ZNF536: variants seen among roughly 807,000 people sequenced by gnomAD.
The protein encoded by ZNF536 is zinc finger protein 536.
In ZNF536, 13 loss-of-function variants were observed where a neutral mutation model predicts 84.5. That is an observed-to-expected ratio of 0.15 (90% confidence interval 0.10 to 0.24). ZNF536 has a LOEUF of 0.24. Among genes scored for constraint, ZNF536 ranks in the 10% least tolerant of loss-of-function variants. The pLI is 1.00. For missense variants in ZNF536, 1,536 were observed against 1,747.5 expected, an observed-to-expected ratio of 0.88 and a Z score of 2.16; for synonymous variants, 811 against 742.5, an observed-to-expected ratio of 1.09 and a Z score of -1.50.
chr19:30,338,621 T>C (rs1221260367), intron 2 of ZNF536, among the ~76,000 whole-genome samples: 3 of 152,110 alleles, frequency 2.0e-5, no homozygotes, highest in Non-Finnish European at 2.9e-5. Context: ...TCCTGGTTAC[T>C]TAACCTGGGA....
At position 30,701,189 on chromosome 19, in the gene ZNF536, TCTCACA is replaced by T. The variant is rs772428756; in HGVS notation, c.170-9566_170-9561del. ...ATCTGGTGCATGTGCTATATCTCAC[TCTCACA>T]CACACACACACACACACACACACGC... is the stretch of plus-strand genomic sequence containing the variant. On this transcript the variant is annotated intron_variant, in intron 1 of 1. Transcript: ENST00000592773. Among the ~76,000 whole-genome samples, 21 of 57,904 alleles carry T rather than the reference TCTCACA, an allele frequency of 3.6e-4. No individual in the cohort carries two copies. The East Asian group carries it at 3.7e-3, about 10-fold the overall frequency. The allele number at this position is 57,904 out of a possible 152,430, so 38.0% of individuals were successfully genotyped here. A position where few individuals can be genotyped will look rare whatever the true frequency, so the allele number is the denominator to read the frequency against.
At chr19:30,659,952 GGTGTGT>G (rs5827727) in intron 1 of ZNF536, among the ~76,000 whole-genome samples, 15 of 101,292 alleles carry the variant, frequency 1.5e-4, no homozygotes, top group East Asian at 6.1e-4. Flanking sequence ...TTGACACAAG[GGTGTGT>G]GTGTGTGTGT....
chr19:30,495,082 C>CCCAG (rs2054665569), intron 2 of ZNF536, among the ~76,000 whole-genome samples: 1 of 151,514 alleles, frequency 6.6e-6, no homozygotes, highest in Non-Finnish European at 1.5e-5. Context: ...AGTCAGCAGA[C>CCCAG]CCAGGTCTTG....
chr19:30,561,008 C>T (rs71350817), downstream of ZNF536, among the ~76,000 whole-genome samples: 476 of 152,312 alleles, frequency 3.1e-3, no homozygotes, highest in Non-Finnish European at 4.9e-3. Flanking sequence ...GCTGGCTTCA[C>T]GAGGGGTTTG....
rs949271397 is a variant in ZNF536, at chr19:30,259,372, G to A, written c.-189-24700G>A. Among the ~76,000 whole-genome samples the A allele has an allele frequency of 8.5e-5, 13 of 152,222 alleles. 1 individual carries two copies. Among genetic ancestry groups the A allele is most frequent in the African/African-American group, 2.9e-4 (12 of 41,450 alleles). On this transcript the variant is annotated intron_variant, in intron 1 of 5. Transcript: ENST00000585628. ...TCCCTTACAGAAAAAGAATGCAGCA[G>A]CGGGTCCTGAGATGAACTAGGACTG...
chr19:30,403,319 C>T (rs1419993612), intron 1 of ZNF536, among the ~76,000 whole-genome samples: 11 of 152,138 alleles, frequency 7.2e-5, no homozygotes, highest in South Asian at 4.1e-4. Flanking sequence ...AAATGCACAA[C>T]GCAGACAAGG....
At chr19:30,528,167 C>T (rs1279175227) in intron 2 of ZNF536, among the ~76,000 whole-genome samples, 7 of 152,132 alleles carry the variant, frequency 4.6e-5, no homozygotes, top group Non-Finnish European at 8.8e-5. Flanking sequence ...TCACCTTACC[C>T]ATGCGTGCTT....
At chr19:30,458,740 C>G (rs2052990907) in intron 2 of ZNF536, among the ~76,000 whole-genome samples, 1 of 152,176 alleles carries the variant, frequency 6.6e-6, no homozygotes, top group African/African-American at 2.4e-5. Context: ...GCGTGAGCCA[C>G]CACGCCTGGC....
At chr19:30,656,451 A>G (rs1332684509) in intron 1 of ZNF536, among the ~76,000 whole-genome samples, 1 of 152,198 alleles carries the variant, frequency 6.6e-6, no homozygotes, top group Non-Finnish European at 1.5e-5. Flanking sequence ...ACGTTGCACC[A>G]TCTCTACCCT....
rs563331672 is a variant in ZNF536, at chr19:30,681,227, C to T, written c.170-29530C>T. 5.9e-5 allele frequency among the ~76,000 whole-genome samples: 9 copies of T among 152,286 alleles called. 1 individual carries two copies. The highest frequency in any genetic ancestry group is 1.9e-4 in the African/African-American group (8 of 41,566). On this transcript the variant is annotated intron_variant, in intron 1 of 1. Coordinates refer to the ZNF536 transcript ENST00000592773. The stretch of plus-strand genomic sequence containing the variant: ...CGTGGAGTGGGCAGGAGGGTCACTG[C>T]TTAGTTTGCCCTGCAGCACAGGAAC...
chr19:30,410,513 C>G (rs950818396), intron 1 of ZNF536, among the ~76,000 whole-genome samples: 4 of 126,000 alleles, frequency 3.2e-5, no homozygotes, highest in Non-Finnish European at 6.2e-5. Flanking sequence ...CTCGCTCTGT[C>G]GCCCAGGCTG....
intron 1 of ZNF536, among the ~76,000 whole-genome samples, chr19:30,710,285 G>A (rs1361943256): frequency 2.0e-5 from 3 of 152,164 alleles, no homozygotes; most frequent in African/African-American, 7.2e-5. Flanking sequence ...GCTTGCACCT[G>A]TAATCTCAGC....
rs532147459 is a variant in ZNF536 at position 30,693,553 on chromosome 19, G to GAAGAA, written c.170-17202_170-17198dup. Among the ~76,000 whole-genome samples, 66 of 151,668 alleles carry GAAGAA rather than the reference G, an allele frequency of 4.4e-4. No individual in the cohort carries two copies. The East Asian group carries it at 8.0e-3, about 18-fold the overall frequency. On this transcript the variant is annotated intron_variant, in intron 1 of 1. Coordinates refer to the ZNF536 transcript ENST00000592773. ...CCTTTTATAGTGGGGGGAGAGAAGAGAAGAAAGGAGGCTCATTTCCTTTGT... is the reference window on the plus strand; with the variant it reads ...CCTTTTATAGTGGGGGGAGAGAAGAGAAGAAAAGAAAGGAGGCTCATTTCCTTTGT...
chr19:30,437,271 A>T (rs2051794364), intron 1 of ZNF536, among the ~76,000 whole-genome samples: 1 of 152,182 alleles, frequency 6.6e-6, no homozygotes, highest in South Asian at 2.1e-4. Flanking sequence ...TTTGAGTGAA[A>T]GATACAATTA....
rs566744045 is a variant in ZNF536, at chr19:30,526,049, C to T, written c.2171-8798C>T. On this transcript the variant is annotated intron_variant, in intron 2 of 4. Transcript: ENST00000355537. ...CATTCTCCTGCCTGGGTCTTCTCAC[C>T]AAGGCCAGGTTCTTAGGTGACCCTG... Among the ~76,000 whole-genome samples, 6 of 152,328 alleles carry T rather than the reference C, an allele frequency of 3.9e-5. No individual in the cohort carries two copies. In the South Asian group the frequency reaches 1.2e-3, roughly 32 times the overall value.
intron 1 of ZNF536, among the ~76,000 whole-genome samples, chr19:30,627,980 A>G (rs1327283978): frequency 6.6e-6 from 1 of 152,084 alleles, no homozygotes; most frequent in Non-Finnish European, 1.5e-5. Context: ...TCAACCCAGA[A>G]CCCGTGTCCC....
chr19:30,461,624 G>T (rs553896737), intron 2 of ZNF536, among the ~76,000 whole-genome samples: 42 of 152,338 alleles, frequency 2.8e-4, no homozygotes, highest in African/African-American at 9.9e-4. Context: ...CAGGGAGGAG[G>T]AAAGGGGAAG....
At chr19:30,367,091 G>A (rs889586644) in intron 3 of ZNF536, among the ~76,000 whole-genome samples, 1 of 152,194 alleles carries the variant, frequency 6.6e-6, no homozygotes, top group African/African-American at 2.4e-5. Context: ...TTCGACAAGG[G>A]TCAGTTTTTC....
intron 2 of ZNF536, among the ~76,000 whole-genome samples, chr19:30,453,694 A>G (rs1017709712): frequency 2.2e-4 from 33 of 152,234 alleles, no homozygotes; most frequent in Non-Finnish European, 4.4e-4. Context: ...CAGAGTCCCA[A>G]AACAATGCGT....
Sources: gnomAD v4.1 joint callset for allele counts (sites outside exome capture counted in the v4.1 genomes callset) on GRCh38, gnomAD v4.1.1 for gene constraint, MANE v1.5 for transcripts, NCBI Gene and HGNC (gene_info 2026-07-23, HGNC 2026-07-21) for gene names.